The following AGRN variants were observed in gnomAD, a reference collection of about 807,000 sequenced individuals.
The protein encoded by AGRN is agrin.
A neutral mutation model predicts 211.0 loss-of-function variants in AGRN; 106 were observed. The observed-to-expected ratio is 0.50, with a 90% CI of 0.43 to 0.59. AGRN has a LOEUF of 0.59. AGRN is among the 20% of genes least tolerant of loss of function. AGRN has a pLI of 0.00. For synonymous variants in AGRN, 1,525 were observed against 1,332.5 expected (o/e 1.14, Z -3.15); for missense variants, 3,040 against 2,982.6 (o/e 1.02, Z -0.45).
intron 20 of AGRN, 24 bp downstream of exon 20, chr1:1,047,478 C>G (rs200804806): frequency 3.1e-6 from 5 of 1,612,798 alleles, no homozygotes; most frequent in Non-Finnish European, 4.2e-6. Flanking sequence ...GCAGCCCCCA[C>G]CTACCCACTG....
intron 2 of AGRN, among the ~76,000 whole-genome samples, chr1:1,027,291 T>C (rs902045411): frequency 6.6e-6 from 1 of 152,224 alleles, no homozygotes; most frequent in Non-Finnish European, 1.5e-5. Flanking sequence ...GCCTCAGATG[T>C]ACCAGCCTGT....
chr1:1,050,137 C>T lies in AGRN; in HGVS notation c.4880-96C>T, dbSNP rs976790593. On this transcript the variant is annotated intron_variant, in intron 27 of 35. Coordinates refer to ENST00000379370, the MANE Select transcript of AGRN (RefSeq NM_198576.4). ...CATTGCAGTTAGGATGCGGCTCAGT[C>T]TAGTCTGGGTTTTGAGTTAGGATCC... The T allele has an allele frequency of 5.7e-6, 9 of 1,590,848 alleles. No individual in the cohort carries two copies. The South Asian group carries it at 8.8e-5, about 16-fold the overall frequency.
chr1:1,020,886 C>T (rs1230027392), intron 1 of AGRN, among the ~76,000 whole-genome samples: 2 of 130,622 alleles, frequency 1.5e-5, no homozygotes, highest in Admixed American at 1.8e-4. Context: ...TGGGCGGGGC[C>T]GTCACCGGGC....
Position 1,049,721 on chromosome 1 carries a change from C to T in AGRN, c.4670C>T (p.Pro1557Leu), listed in dbSNP as rs1189874293. ...GGGGACCACCCCTGCCTGCCCAACC[C>T]CTGCCATGGCGGGGCCCCATGCCAG... ...ECGDHPCLPN[P>L]CHGGAPCQNL... Residue 1557 changes from proline (P) to leucine (L), a missense_variant, in exon 26 of 36, where the codon CCC becomes CTC. Transcript: ENST00000379370. 3 of 1,583,648 alleles carry T rather than the reference C, an allele frequency of 1.9e-6. No individual in the cohort carries two copies. Among genetic ancestry groups the T allele is most frequent in the Admixed American group, 3.7e-5 (2 of 54,250 alleles).
At chr1:1,030,037 T>C (rs868023139) in intron 2 of AGRN, among the ~76,000 whole-genome samples, 3 of 104,738 alleles carry the variant, frequency 2.9e-5, no homozygotes, top group Admixed American at 1.1e-4. Flanking sequence ...GTGTGTGCAG[T>C]GCATGGTGCT....
At chr1:1,020,900 G>C (rs1048175896) in intron 1 of AGRN, among the ~76,000 whole-genome samples, 2 of 146,278 alleles carry the variant, frequency 1.4e-5, no homozygotes, top group South Asian at 2.2e-4. Context: ...ACCGGGCCTC[G>C]TGTGCTTGGG....
At chr1:1,034,563 C>A (rs1214779514) in intron 2 of AGRN, 2 of 986,624 alleles carry the variant, frequency 2.0e-6, no homozygotes, top group Non-Finnish European at 2.4e-6. Flanking sequence ...GCCATGCCTC[C>A]GCTGCCGCTG....
At chr1:1,046,139 C>T (rs1488579129) in intron 16 of AGRN, 21 bp from the exon 17 acceptor site, 3 of 1,613,852 alleles carry the variant, frequency 1.9e-6, no homozygotes, top group Non-Finnish European at 2.5e-6. Context: ...TCGCCTTGAA[C>T]ATCCTTGTTC....
chr1:1,048,877 C>T lies in AGRN; in HGVS notation c.4116C>T (p.Ala1372=), dbSNP rs200170414. 3.3e-4 allele frequency: 507 copies of T among 1,539,426 alleles called. 4 individuals are homozygous for T. In the African/African-American group the frequency reaches 5.7e-3, roughly 17 times the overall value. The part of the protein sequence containing the change: ...GGAVCEKVLG[A]PVPAFEGRSF... Reference sequence around the variant, plus strand: ...GGTCGCCCTTTGCAGTGCTTGGCGCCCCTGTGCCGGCCTTCGAGGGCCGCT... The same window carrying T: ...GGTCGCCCTTTGCAGTGCTTGGCGCTCCTGTGCCGGCCTTCGAGGGCCGCT... Residue 1372 remains alanine (A), a synonymous_variant, in exon 24 of 36, where the codon GCC becomes GCT. Coordinates refer to ENST00000379370, the MANE Select transcript of AGRN (RefSeq NM_198576.4). This position sits in a 1 kb window ranked among gnomAD's most constrained non-coding sequence, Gnocchi z 5.9.
In AGRN at chr1:1,023,869, G is replaced by A. The variant is rs1332055573; in HGVS notation, c.463+1407G>A. On this transcript the variant is annotated intron_variant, in intron 2 of 35. Coordinates refer to ENST00000379370, the MANE Select transcript of AGRN (RefSeq NM_198576.4). ...AGGGTCCGTGGGGAGCCCCTGCCAG[G>A]TGGGTGTGGCTTAGCCCAGCTGTGG... is the stretch of plus-strand genomic sequence containing the variant. Among the ~76,000 whole-genome samples, 9 of 152,322 alleles carry A rather than the reference G, an allele frequency of 5.9e-5. No individual in the cohort carries two copies. The East Asian group carries it at 1.4e-3, about 23-fold the overall frequency.
At position 1,050,571 on chromosome 1, in the gene AGRN, C is replaced by A. The variant is rs1457021881; in HGVS notation, c.5121C>A (p.Gly1707=). The A allele has an allele frequency of 6.2e-7, 1 of 1,611,426 alleles. No individual in the cohort carries two copies. Among genetic ancestry groups the A allele is most frequent in the Admixed American group, 1.7e-5 (1 of 59,950 alleles). The change falls in exon 29 of 36, where the codon GGC becomes GGA. Residue 1707 remains glycine (G), a synonymous_variant. Coordinates refer to ENST00000379370, the MANE Select transcript of AGRN (RefSeq NM_198576.4). ...GCCTGGAGTTCCGCTACGACCTGGG[C>A]AAGGGGGCAGCGGTCATCAGGTGGG... The part of the protein sequence containing the change: ...DRRLEFRYDL[G]KGAAVIRSRE...
Position 1,051,480 on chromosome 1 carries a change from AC to A in AGRN, c.5402del (p.Pro1801ArgfsTer81). 1.3e-6 allele frequency: 2 copies of A among 1,567,822 alleles called. No individual in the cohort carries two copies. Among genetic ancestry groups the A allele is most frequent in the Admixed American group, 1.8e-5 (1 of 56,476 alleles). Reference protein sequence around the residue: ...LVSLGGRQLLTPEHVLRQVDV... With the variant: ...LVSLGGRQLLXPEHVLRQVDV... ...CTCCCTCGGAGGCCGCCAGCTGCTG[AC>A]CCCGGAGCACGTGCTGCGGCAGGTG... On this transcript the variant is annotated frameshift_variant, in exon 32 of 36. Coordinates refer to ENST00000379370, the MANE Select transcript of AGRN (RefSeq NM_198576.4). LOFTEE classifies it high-confidence loss of function.
chr1:1,033,963 C>G (rs555416610), intron 2 of AGRN: 1 of 267,412 alleles, frequency 3.7e-6, no homozygotes, highest in African/African-American at 2.3e-5. Context: ...TCTCTGCTCC[C>G]GCCCTCCCTC....
Position 1,044,319 on chromosome 1 carries a change from GAC to G in AGRN, c.2149-12_2149-11del, listed in dbSNP as rs1645031634. On this transcript the variant is annotated splice_polypyrimidine_tract_variant and intron_variant, in intron 11 of 35. Coordinates refer to ENST00000379370, the MANE Select transcript of AGRN (RefSeq NM_198576.4). The stretch of plus-strand genomic sequence containing the variant: ...GGACGGGGCTGCGGCCGCTCACACT[GAC>G]ACCACCCTCCAGGTGTGCGGCTCAG... 6.2e-7 allele frequency: 1 copy of G among 1,612,636 alleles called. No homozygotes were observed. The highest frequency in any genetic ancestry group is 8.5e-7 in the Non-Finnish European group (1 of 1,179,806).
At chr1:1,051,214 G>A in intron 30 of AGRN, 39 bp from the exon 31 acceptor site, 1 of 1,565,312 alleles carries the variant, frequency 6.4e-7, no homozygotes. Flanking sequence ...CTGCACCGTG[G>A]GTGGGCTCTG....
At chr1:1,023,512 C>T (rs1644455561) in intron 2 of AGRN, among the ~76,000 whole-genome samples, 1 of 152,074 alleles carries the variant, frequency 6.6e-6, no homozygotes, top group African/African-American at 2.4e-5. Context: ...CCTTGGTCCT[C>T]TTCTGGGCAC....
chr1:1,054,855 A>G lies in AGRN; in HGVS notation c.6012A>G (p.Ala2004=), dbSNP rs1412534900. The G allele has an allele frequency of 1.3e-6, 2 of 1,560,074 alleles. No homozygotes were observed. The highest frequency in any genetic ancestry group is 1.4e-5 in the African/African-American group (1 of 73,826). ...GGLPELPVGP[A]LPKAYGTGFV... is the part of the protein sequence containing the mutation. ...TGCCGGAGCTGCCCGTGGGCCCAGC[A>G]CTGCCCAAGGCCTACGGCACAGGCT... The change falls in exon 36 of 36, where the codon GCA becomes GCG. Residue 2004 remains alanine (A), a synonymous_variant. Coordinates refer to ENST00000379370, the MANE Select transcript of AGRN (RefSeq NM_198576.4).
chr1:1,026,606 G>A (rs111412577), intron 2 of AGRN, among the ~76,000 whole-genome samples: 6,968 of 152,168 alleles, frequency 0.046, 483 homozygotes, highest in African/African-American at 0.16. Flanking sequence ...CCCCACCAGC[G>A]GCCTGGGTGG....
chr1:1,052,004 A>G (rs1160243029), intron 33 of AGRN, 189 bp downstream of exon 33: 11 of 1,536,580 alleles, frequency 7.2e-6, no homozygotes, highest in South Asian at 1.2e-5. Flanking sequence ...GAACTGGCCA[A>G]TGAGATCCCC....
Sources: gnomAD v4.1 joint callset for allele counts (sites outside exome capture counted in the v4.1 genomes callset) on GRCh38, gnomAD v4.1.1 for gene constraint, Gnocchi (gnomAD v3.1) non-coding constraint, MANE v1.5 for transcripts, NCBI Gene and HGNC (gene_info 2026-07-23, HGNC 2026-07-21) for gene names.